The following CDC20B variants were observed in gnomAD, a reference collection of about 807,000 sequenced individuals.
CDC20B encodes the protein cell division cycle protein 20 homolog B.
CDC20B carries 58 observed loss-of-function variants against 64.1 expected under a neutral mutation model. That is an observed-to-expected ratio of 0.90 (90% CI 0.73 to 1.13). The LOEUF is 1.13. Among genes scored for constraint, CDC20B ranks in the 50% most tolerant of loss-of-function variants. The pLI is 0.00. For synonymous variants in CDC20B, 243 were observed against 230.6 expected (o/e 1.05, Z -0.49); for missense variants, 597 against 633.0 (o/e 0.94, Z 0.61).
chr5:55,118,342 C>A (rs2111792959), intron 11 of CDC20B, among the ~76,000 whole-genome samples: 1 of 152,148 alleles, frequency 6.6e-6, no homozygotes, highest in Admixed American at 6.5e-5. Flanking sequence ...ACCTCATCTC[C>A]AACTATAAGC....
At chr5:55,130,790 G>A (rs1000294198) in intron 6 of CDC20B, among the ~76,000 whole-genome samples, 25 of 152,088 alleles carry the variant, frequency 1.6e-4, no homozygotes, top group African/African-American at 4.1e-4. Flanking sequence ...ATTTTAAAAC[G>A]TTTACAATTG....
At chr5:55,133,767 T>C (rs1227196605) in intron 5 of CDC20B, among the ~76,000 whole-genome samples, 1 of 152,124 alleles carries the variant, frequency 6.6e-6, no homozygotes, top group East Asian at 1.9e-4. Context: ...AAAAAGCACA[T>C]GCATACAGAC....
intron 6 of CDC20B, 78 bp from the exon 7 acceptor site, chr5:55,128,695 G>A (rs113917144): frequency 9.3e-7 from 1 of 1,080,416 alleles, no homozygotes; most frequent in Non-Finnish European, 1.3e-6. Flanking sequence ...TTTATAGGTA[G>A]GGGGAAAAGA....
At chr5:55,117,251 AT>A (rs895698488) in intron 11 of CDC20B, among the ~76,000 whole-genome samples, 6 of 152,038 alleles carry the variant, frequency 3.9e-5, no homozygotes, top group Non-Finnish European at 7.4e-5. Flanking sequence ...TTTAACTGAA[AT>A]TTTCCCCCCA....
intron 5 of CDC20B, chr5:55,137,639 A>G (rs780639277): frequency 4.4e-6 from 2 of 456,602 alleles, no homozygotes; most frequent in African/African-American, 2.0e-5. Flanking sequence ...AAAGTGATCT[A>G]TGGGAAGGGG....
At position 55,114,464 on chromosome 5, in the gene CDC20B, C is replaced by T; in HGVS notation, c.1460-146G>A. 4.2e-6 allele frequency: 6 copies of T among 1,427,952 alleles called. No individual in the cohort carries two copies. Among genetic ancestry groups the T allele is most frequent in the Non-Finnish European group, 5.5e-6 (6 of 1,081,768 alleles). The allele number at this position is 1,427,952 out of a possible 1,614,324, so 88.5% of individuals were successfully genotyped here. On this transcript the variant is annotated intron_variant, in intron 11 of 11. Coordinates refer to ENST00000381375, the MANE Select transcript of CDC20B (RefSeq NM_001170402.1). This position sits in a 1 kb window ranked among gnomAD's most constrained non-coding sequence, Gnocchi z 4.1. ...CCACCAGGTTCAGAGCTGCCACCAA[C>T]TGAGCCATGCTGGGAGACAGCAGTC...
At chr5:55,139,196 C>T (rs1383333302) in intron 5 of CDC20B, among the ~76,000 whole-genome samples, 1 of 151,814 alleles carries the variant, frequency 6.6e-6, no homozygotes, top group Non-Finnish European at 1.5e-5. Context: ...ACAGTGGATA[C>T]TAGAAAACCA....
intron 2 of CDC20B, among the ~76,000 whole-genome samples, chr5:55,147,243 CATAAATATG>C (rs1561296631): frequency 8.8e-6 from 1 of 113,870 alleles, no homozygotes; most frequent in African/African-American, 3.4e-5. Context: ...ATTATATAAA[CATAAATATG>C]TTATGTTTTA....
intron 2 of CDC20B, among the ~76,000 whole-genome samples, chr5:55,147,088 ATATGT>A (rs1028840678): frequency 6.8e-6 from 1 of 146,290 alleles, no homozygotes; most frequent in Non-Finnish European, 1.5e-5. Flanking sequence ...ATAAACATAA[ATATGT>A]TATGTTTTAT....
At chr5:55,169,587 A>G (rs1254783071) in intron 2 of CDC20B, among the ~76,000 whole-genome samples, 1 of 152,206 alleles carries the variant, frequency 6.6e-6, no homozygotes, top group Non-Finnish European at 1.5e-5. Flanking sequence ...CTGTCTTCCA[A>G]ATATTTCATG....
rs1742543573 is a variant in CDC20B, at chr5:55,113,002, T to C, written c.*1216A>G. The C allele has an allele frequency of 6.6e-6, 1 of 152,154 alleles. No individual in the cohort carries two copies. The highest frequency in any genetic ancestry group is 2.4e-5 in the African/African-American group (1 of 41,440). 9.4% of individuals were successfully genotyped at this position (152,154 alleles called of 1,614,324 possible). A position where few individuals can be genotyped will look rare whatever the true frequency, so the allele number is the denominator to read the frequency against. ...GTAATAAAAGATTTTTTTAAACAGC[T>C]ATAATAGTATAATAATACCAAATAG... On this transcript the variant is annotated 3_prime_UTR_variant, in exon 12 of 12. Transcript: ENST00000381375.
intron 5 of CDC20B, among the ~76,000 whole-genome samples, chr5:55,138,907 G>C (rs1743255909): frequency 6.6e-6 from 1 of 151,610 alleles, no homozygotes; most frequent in Non-Finnish European, 1.5e-5. Context: ...GAGAATTGGA[G>C]AGTCAATCCA....
intron 4 of CDC20B, among the ~76,000 whole-genome samples, chr5:55,143,091 A>T (rs867593326): frequency 1.1e-4 from 17 of 152,226 alleles, no homozygotes; most frequent in Non-Finnish European, 8.8e-5. Context: ...GGAAATATTT[A>T]AAAGACCATC....
At chr5:55,117,228 T>A (rs973200786) in intron 11 of CDC20B, among the ~76,000 whole-genome samples, 18 of 152,264 alleles carry the variant, frequency 1.2e-4, no homozygotes, top group African/African-American at 4.1e-4. Flanking sequence ...TGTAGTCAGG[T>A]GGGTGAGGTC....
In CDC20B at chr5:55,119,865, A is replaced by C; in HGVS notation, c.1395T>G (p.Gly465=). Residue 465 remains glycine (G), a synonymous_variant, in exon 11 of 12, where the codon GGT becomes GGG. Transcript: ENST00000381375. ...PKTKEIATGQ[G]TPKNDVTVWT... is the part of the protein sequence containing the mutation. ...ACACAGTCACATCATTCTTGGGAGT[A>C]CCTTGACCAGTTGCAATCTCCTTTG... The C allele has an allele frequency of 6.2e-7, 1 of 1,614,106 alleles. No individual in the cohort carries two copies. Among genetic ancestry groups the C allele is most frequent in the Non-Finnish European group, 8.5e-7 (1 of 1,179,948 alleles).
At chr5:55,156,109 A>C (rs1336569734) in intron 2 of CDC20B, among the ~76,000 whole-genome samples, 1 of 152,246 alleles carries the variant, frequency 6.6e-6, no homozygotes, top group Non-Finnish European at 1.5e-5. Flanking sequence ...GAGCAAAGGC[A>C]TGTCTTACAT....
chr5:55,140,590 G>A (rs1304972403), intron 4 of CDC20B, among the ~76,000 whole-genome samples, 183 bp from the exon 5 acceptor site: 1 of 152,156 alleles, frequency 6.6e-6, no homozygotes, highest in Non-Finnish European at 1.5e-5. Context: ...TATGAACAGT[G>A]CTGAGCATTT....
intron 2 of CDC20B, among the ~76,000 whole-genome samples, chr5:55,171,174 C>T (rs890561661): frequency 2.0e-5 from 3 of 152,052 alleles, no homozygotes; most frequent in East Asian, 3.9e-4. Flanking sequence ...ATTAGCCCAG[C>T]GTGGTGGTGC....
intron 2 of CDC20B, among the ~76,000 whole-genome samples, chr5:55,150,802 C>G (rs570828108): frequency 6.6e-6 from 1 of 152,060 alleles, no homozygotes; most frequent in Non-Finnish European, 1.5e-5. Flanking sequence ...TGGAGTGCAG[C>G]GGCACAATCA....
Sources: allele counts gnomAD v4.1 joint callset (sites outside exome capture counted in the v4.1 genomes callset), GRCh38; gene constraint gnomAD v4.1.1; non-coding constraint Gnocchi (gnomAD v3.1); transcripts MANE v1.5; gene names NCBI Gene and HGNC (gene_info 2026-07-23, HGNC 2026-07-21).